The following MINDY4 variants were observed in gnomAD, a reference collection of about 807,000 sequenced individuals.
MINDY4 encodes the protein probable ubiquitin carboxyl-terminal hydrolase MINDY-4.
Under a neutral mutation model 87.0 loss-of-function variants are expected in MINDY4, and 68 were observed. That is an observed-to-expected ratio of 0.78 (90% CI 0.64 to 0.96). The LOEUF is 0.96. MINDY4 is among the 40% of genes least tolerant of loss of function. The pLI is 0.00. For synonymous variants in MINDY4, 379 were observed against 363.2 expected, an observed-to-expected ratio of 1.04 and a Z score of -0.50; for missense variants, 919 against 928.2, an observed-to-expected ratio of 0.99 and a Z score of 0.13.
At chr7:30,789,869 T>C (rs371386019) in intron 4 of MINDY4, among the ~76,000 whole-genome samples, 1 of 152,144 alleles carries the variant, frequency 6.6e-6, no homozygotes, top group East Asian at 1.9e-4. Flanking sequence ...TCTTTGACGG[T>C]AAGGGAGGAT....
rs377125728 is a variant in MINDY4, at chr7:30,839,123, G to T, written c.1240-77G>T. The T allele has an allele frequency of 3.7e-4, 325 of 873,822 alleles. No homozygotes were observed. The African/African-American group carries it at 5.1e-3, about 14-fold the overall frequency. 54.1% of individuals were successfully genotyped at this position (873,822 alleles called of 1,614,324 possible). A position where few individuals can be genotyped will look rare whatever the true frequency, so the allele number is the denominator to read the frequency against. On this transcript the variant is annotated intron_variant, in intron 7 of 17. Transcript: ENST00000265299. ...CTGCTAGAATTCAAGAACAACTTCT[G>T]CAGGAATATGCACACTGAACATCGT...
rs1206098535 is a variant in MINDY4 at position 30,869,482 on chromosome 7, G to A, written c.1746-2761G>A. ...CAGACATTCGTGTCTTACAGCCCTG[G>A]AGGTGAGAAGTCCAAGATCAAGGTG... On this transcript the variant is annotated intron_variant, in intron 13 of 17. Transcript: ENST00000265299. Among the ~76,000 whole-genome samples the A allele has an allele frequency of 2.0e-5, 3 of 152,276 alleles. No homozygotes were observed. In the East Asian group the frequency reaches 5.8e-4, roughly 29 times the overall value.
intron 9 of MINDY4, 73 bp downstream of exon 9, chr7:30,840,921 A>G: frequency 1.5e-6 from 2 of 1,337,154 alleles, no homozygotes; most frequent in Non-Finnish European, 1.1e-6. Context: ...AAAACAAGCA[A>G]GGAAGCATGT....
Position 30,785,885 on chromosome 7 carries a change from C to T in MINDY4, c.556C>T (p.His186Tyr). The T allele has an allele frequency of 6.2e-7, 1 of 1,614,240 alleles. No individual in the cohort carries two copies. The highest frequency in any genetic ancestry group is 8.5e-7 in the Non-Finnish European group (1 of 1,180,052). The change falls in exon 4 of 18, where the codon CAC becomes TAC. Residue 186 changes from histidine (H) to tyrosine (Y), a missense_variant. By Grantham distance (83) the His-to-Tyr change is moderately conservative. Transcript: ENST00000265299. ...TGCATGGGAGAAGATAGACAAGCTT[C>T]ACTCGGAGCCTTCCTTGGATGTGAA... ...TSAWEKIDKL[H>Y]SEPSLDVKRM...
chr7:30,866,182 C>G (rs115755814), intron 13 of MINDY4, among the ~76,000 whole-genome samples: 2 of 152,338 alleles, frequency 1.3e-5, no homozygotes, highest in African/African-American at 4.8e-5. Flanking sequence ...CACTGAAGAG[C>G]TGGGAGGTCT....
At chr7:30,792,479 ACTGGAGAAATTTT>A (rs2128168692) in intron 5 of MINDY4, among the ~76,000 whole-genome samples, 1 of 152,318 alleles carries the variant, frequency 6.6e-6, no homozygotes, top group African/African-American at 2.4e-5. Context: ...GGGAGAATTT[ACTGGAGAAATTTT>A]CTGTGCATTA....
In MINDY4 at chr7:30,791,207, A is replaced by C; in HGVS notation, c.706A>C (p.Ser236Arg). ...RHYLRRSSPS[S>R]SSTQPQEESR... is the part of the protein sequence containing the mutation. ...CTATCTGAGACGGTCCTCACCGTCA[A>C]GCAGCTCCACCCAACCCCAAGAAGA... Residue 236 changes from serine (S) to arginine (R), a missense_variant, in exon 5 of 18, where the codon AGC (serine) becomes CGC (arginine). By Grantham distance (110) the Ser-to-Arg change is moderately radical. Coordinates refer to ENST00000265299, the MANE Select transcript of MINDY4 (RefSeq NM_032222.3). The C allele has an allele frequency of 6.2e-7, 1 of 1,614,094 alleles. No homozygotes were observed. The highest frequency in any genetic ancestry group is 8.5e-7 in the Non-Finnish European group (1 of 1,179,998).
At chr7:30,824,364 T>G (rs1788433504) in intron 5 of MINDY4, among the ~76,000 whole-genome samples, 1 of 152,216 alleles carries the variant, frequency 6.6e-6, no homozygotes, top group Admixed American at 6.5e-5. Context: ...GGCAAAGCAC[T>G]CATGACTCAA....
rs546898176 is a variant in MINDY4 at position 30,852,094 on chromosome 7, A to G, written c.1548-122A>G. On this transcript the variant is annotated intron_variant, in intron 10 of 17. Coordinates refer to ENST00000265299, the MANE Select transcript of MINDY4 (RefSeq NM_032222.3). ...GGAAAAATGAGAAACTCTTGGCTCCATTTTCTCTCTGGAGCCACCTTCTTA... is the reference window on the plus strand; with the variant it reads ...GGAAAAATGAGAAACTCTTGGCTCCGTTTTCTCTCTGGAGCCACCTTCTTA... The G allele has an allele frequency of 5.9e-5, 68 of 1,152,284 alleles. No individual in the cohort carries two copies. In the Middle Eastern group the frequency reaches 6.2e-4, roughly 10 times the overall value. 71.4% of individuals were successfully genotyped at this position (1,152,284 alleles called of 1,614,324 possible).
intron 1 of MINDY4, 133 bp downstream of exon 1, chr7:30,771,689 A>G (rs1264231534): frequency 6.0e-6 from 5 of 830,340 alleles, no homozygotes; most frequent in Non-Finnish European, 9.3e-6. Context: ...GAGATGCCCC[A>G]GAAGAGCGCC....
chr7:30,803,585 A>T (rs1438617462), intron 5 of MINDY4, among the ~76,000 whole-genome samples: 2 of 152,098 alleles, frequency 1.3e-5, no homozygotes, highest in Non-Finnish European at 2.9e-5. Flanking sequence ...GGGTTTGAAT[A>T]ACCCAGTTTT....
chr7:30,815,952 A>G (rs1351597199), intron 5 of MINDY4, among the ~76,000 whole-genome samples: 1 of 152,190 alleles, frequency 6.6e-6, no homozygotes, highest in Non-Finnish European at 1.5e-5. Context: ...GGGATAGATT[A>G]AAATAAACCA....
chr7:30,849,412 C>G (rs1275786129), intron 9 of MINDY4, among the ~76,000 whole-genome samples: 1 of 152,202 alleles, frequency 6.6e-6, no homozygotes, highest in Non-Finnish European at 1.5e-5. Flanking sequence ...CCTAGAAGTA[C>G]ACCTCGAAGG....
chr7:30,795,903 C>T (rs62446941), intron 5 of MINDY4, among the ~76,000 whole-genome samples: 5,317 of 152,212 alleles, frequency 0.035, 127 homozygotes, highest in Non-Finnish European at 0.055. Context: ...CTTTTGAGGA[C>T]CTTTGTGATT....
At chr7:30,794,481 C>T (rs1787421401) in intron 5 of MINDY4, among the ~76,000 whole-genome samples, 1 of 152,028 alleles carries the variant, frequency 6.6e-6, no homozygotes, top group African/African-American at 2.4e-5. Flanking sequence ...CAGGAAAATC[C>T]ATGGAAGTCA....
Position 30,791,157 on chromosome 7 carries a change from C to A in MINDY4, c.664-8C>A. ...GGTCCTCACTGCTTTTGTCCTTACTCCCTTTAGGATTCTTTTCACAGACAC... is the reference window on the plus strand; with the variant it reads ...GGTCCTCACTGCTTTTGTCCTTACTACCTTTAGGATTCTTTTCACAGACAC... On this transcript the variant is annotated splice_region_variant and splice_polypyrimidine_tract_variant and intron_variant, in intron 4 of 17. Transcript: ENST00000265299. 6.3e-7 allele frequency: 1 copy of A among 1,597,174 alleles called. No homozygotes were observed. The highest frequency in any genetic ancestry group is 8.6e-7 in the Non-Finnish European group (1 of 1,168,482).
Position 30,828,697 on chromosome 7 carries a change from G to T in MINDY4, c.1092G>T (p.Pro364=). The T allele has an allele frequency of 6.2e-7, 1 of 1,613,842 alleles. No homozygotes were observed. The highest frequency in any genetic ancestry group is 8.5e-7 in the Non-Finnish European group (1 of 1,180,026). The stretch of plus-strand genomic sequence containing the variant: ...TTTCCAGGAAAAATCAGTTGCTGCC[G>T]TCTGACAAGGTGGATGGTGAGCTGG... The part of the protein sequence containing the change: ...PAPVRKNQLL[P]SDKVDGELGA... The change falls in exon 6 of 18, where the codon CCG becomes CCT. Residue 364 remains proline, a synonymous_variant. Coordinates refer to ENST00000265299, the MANE Select transcript of MINDY4 (RefSeq NM_032222.3).
intron 5 of MINDY4, among the ~76,000 whole-genome samples, chr7:30,793,601 T>G (rs1787388836): frequency 6.6e-6 from 1 of 152,094 alleles, no homozygotes; most frequent in Non-Finnish European, 1.5e-5. Context: ...TTGTATTTTT[T>G]GTAGAGACGG....
intron 5 of MINDY4, among the ~76,000 whole-genome samples, chr7:30,801,066 GC>G (rs909751803): frequency 2.0e-5 from 3 of 152,138 alleles, no homozygotes; most frequent in Admixed American, 6.5e-5. Flanking sequence ...GCCTCTGGAG[GC>G]CCCCAGATCT....
Sources: allele counts gnomAD v4.1 joint callset (sites outside exome capture counted in the v4.1 genomes callset), GRCh38; gene constraint gnomAD v4.1.1; transcripts MANE v1.5; gene names NCBI Gene and HGNC (gene_info 2026-07-23, HGNC 2026-07-21).